Variants in BCAS1 observed in about 807,000 individuals in gnomAD.
BCAS1 encodes the protein brain enriched myelin associated protein 1, also known as breast carcinoma-amplified sequence 1.
BCAS1 carries 46 observed loss-of-function variants against 65.4 expected under a neutral mutation model. That is an observed-to-expected ratio of 0.70 (90% confidence interval 0.55 to 0.90). BCAS1 has a LOEUF of 0.90. Among genes scored for constraint, BCAS1 ranks in the 40% least tolerant of loss-of-function variants. The pLI is 0.00. For missense variants in BCAS1, 793 were observed against 771.2 expected (o/e 1.03, Z -0.33); for synonymous variants, 298 against 293.5 (o/e 1.02, Z -0.16).
chr20:54,051,203 G>A (rs2092206458), intron 3 of BCAS1, among the ~76,000 whole-genome samples: 1 of 152,220 alleles, frequency 6.6e-6, no homozygotes, highest in Non-Finnish European at 1.5e-5. Flanking sequence ...TGACAGTGGT[G>A]TGTGGGACTA....
chr20:54,015,047 T>TG (rs1377710686), intron 4 of BCAS1, among the ~76,000 whole-genome samples: 4 of 138,082 alleles, frequency 2.9e-5, no homozygotes, highest in Non-Finnish European at 4.7e-5. Context: ...AAGCAGACTA[T>TG]GATTTTTTTT....
At chr20:54,068,264 C>T (rs1042091245) in intron 1 of BCAS1, 2 of 154,448 alleles carry the variant, frequency 1.3e-5, no homozygotes, top group African/African-American at 2.4e-5. Flanking sequence ...TATGTTTGCA[C>T]AAACGGATGG....
chr20:54,024,050 A>G (rs904453168), intron 4 of BCAS1, among the ~76,000 whole-genome samples: 1 of 152,238 alleles, frequency 6.6e-6, no homozygotes, highest in African/African-American at 2.4e-5. Flanking sequence ...TATCTCATTT[A>G]ACTTCTAAAA....
intron 10 of BCAS1, among the ~76,000 whole-genome samples, chr20:53,963,903 T>C (rs182518295): frequency 2.8e-4 from 42 of 152,370 alleles, no homozygotes; most frequent in African/African-American, 9.1e-4. Flanking sequence ...AGGATCTTCA[T>C]ACAGGCTTGC....
chr20:53,959,502 C>T (rs2089808489), intron 10 of BCAS1, among the ~76,000 whole-genome samples: 1 of 152,160 alleles, frequency 6.6e-6, no homozygotes, highest in South Asian at 2.1e-4. Flanking sequence ...GATCCACCCG[C>T]CTCGGCCTCC....
chr20:54,015,387 CAATA>C (rs2091414571), intron 4 of BCAS1, among the ~76,000 whole-genome samples: 1 of 151,976 alleles, frequency 6.6e-6, no homozygotes, highest in Non-Finnish European at 1.5e-5. Context: ...GAAGGAAGGT[CAATA>C]AATATATATT....
intron 12 of BCAS1, among the ~76,000 whole-genome samples, chr20:53,948,475 C>G (rs1330539858): frequency 1.3e-5 from 2 of 152,180 alleles, no homozygotes; most frequent in African/African-American, 4.8e-5. Context: ...TCTGCAGTCC[C>G]CCAAGGTAAC....
chr20:54,003,385 C>T (rs1333302642), intron 4 of BCAS1, among the ~76,000 whole-genome samples: 2 of 152,138 alleles, frequency 1.3e-5, no homozygotes, highest in African/African-American at 4.8e-5. Flanking sequence ...CTTCTGTCTT[C>T]CCTTTTGAAA....
At chr20:53,995,748 A>G in intron 5 of BCAS1, 144 bp downstream of exon 5, 2 of 946,802 alleles carry the variant, frequency 2.1e-6, no homozygotes, top group Non-Finnish European at 3.0e-6. Flanking sequence ...CTTATGAAGC[A>G]TATCTTGTCC....
intron 4 of BCAS1, among the ~76,000 whole-genome samples, chr20:54,007,287 A>G (rs1202919479): frequency 6.6e-6 from 1 of 152,240 alleles, no homozygotes; most frequent in Admixed American, 6.5e-5. Flanking sequence ...GAACTTTCTC[A>G]AAACAAAATG....
intron 10 of BCAS1, among the ~76,000 whole-genome samples, chr20:53,962,480 G>T (rs754193523): frequency 6.6e-6 from 1 of 152,184 alleles, no homozygotes; most frequent in South Asian, 2.1e-4. Flanking sequence ...GCATTTTCAA[G>T]TGTAAGGTGT....
chr20:54,058,134 G>A lies in BCAS1; in HGVS notation c.93C>T (p.Asn31=), dbSNP rs1469184269. Residue 31 remains asparagine (N), a synonymous_variant, in exon 3 of 13, where the codon AAC becomes AAT. Coordinates refer to ENST00000688948, the MANE Select transcript of BCAS1 (RefSeq NM_001366298.2). ...GGGTCGACACCACCACTGGAACCCC[G>A]TTCAGAGCAGACGCGTTGTCCTGAA... ...ETYQDNASAL[N]GVPVVVSTHT... The A allele has an allele frequency of 5.0e-6, 8 of 1,613,764 alleles. 1 individual carries two copies. Among genetic ancestry groups the A allele is most frequent in the Non-Finnish European group, 4.2e-6 (5 of 1,179,972 alleles).
intron 6 of BCAS1, among the ~76,000 whole-genome samples, chr20:53,993,659 T>C (rs2090822699): frequency 6.6e-6 from 1 of 152,174 alleles, no homozygotes; most frequent in African/African-American, 2.4e-5. Context: ...CTCCACTGTT[T>C]AGAGCCTTTT....
chr20:53,966,936 T>C lies in BCAS1; in HGVS notation c.1455A>G (p.Arg485=). The change falls in exon 10 of 13, where the codon AGA becomes AGG. Residue 485 remains arginine (R), a synonymous_variant. Transcript: ENST00000688948. ...GTCTGAGAAACGCCATCAGAGAGGT[T>C]CTTGGTTTGCTTTCTTCTCTTTTGA... ...AKLKREESKP[R]TSLMAFLRQM... 5 of 1,612,726 alleles carry C rather than the reference T, an allele frequency of 3.1e-6. No individual in the cohort carries two copies. Among genetic ancestry groups the C allele is most frequent in the Non-Finnish European group, 3.4e-6 (4 of 1,179,558 alleles).
At chr20:54,067,335 C>T (rs290441) in intron 1 of BCAS1, among the ~76,000 whole-genome samples, 75,843 of 152,002 alleles carry the variant, frequency 0.5, 20,595 homozygotes, top group East Asian at 0.6. Context: ...GAGATCACAC[C>T]GCTGCACTCC....
intron 1 of BCAS1, among the ~76,000 whole-genome samples, chr20:54,059,897 CTG>C (rs568115115): frequency 2.0e-3 from 310 of 152,328 alleles, no homozygotes; most frequent in African/African-American, 6.9e-3. Flanking sequence ...CAGTGTATGA[CTG>C]TGTCTATTGA....
At chr20:54,011,772 A>G (rs914460426) in intron 4 of BCAS1, among the ~76,000 whole-genome samples, 1 of 152,198 alleles carries the variant, frequency 6.6e-6, no homozygotes, top group Admixed American at 6.5e-5. Flanking sequence ...CTGGGGGCTG[A>G]GACGGGAAGA....
chr20:53,971,080 G>T (rs2090167229), intron 9 of BCAS1, among the ~76,000 whole-genome samples: 1 of 152,142 alleles, frequency 6.6e-6, no homozygotes, highest in African/African-American at 2.4e-5. Context: ...CTTGACTGTG[G>T]TTGGTTTAGA....
At chr20:54,003,126 C>A (rs1369583922) in intron 4 of BCAS1, among the ~76,000 whole-genome samples, 1 of 150,362 alleles carries the variant, frequency 6.7e-6, no homozygotes. Context: ...TAAACCTTGC[C>A]TGGTATAATT....
Sources: allele counts gnomAD v4.1 joint callset (sites outside exome capture counted in the v4.1 genomes callset), GRCh38; gene constraint gnomAD v4.1.1; transcripts MANE v1.5; gene names NCBI Gene and HGNC (gene_info 2026-07-23, HGNC 2026-07-21).